NHS: variants seen among roughly 807,000 people sequenced by gnomAD.
The protein encoded by NHS is actin remodeling regulator NHS.
A neutral mutation model predicts 72.5 loss-of-function variants in NHS; 5 were observed. That is an observed-to-expected ratio of 0.07 (90% CI 0.04 to 0.14). NHS has a LOEUF of 0.14. Ranked by LOEUF, NHS falls within the 10% of genes least tolerant of loss-of-function variation. The pLI is 1.00. For missense variants in NHS, 1,072 were observed against 1,355.7 expected (o/e 0.79, Z 3.29); for synonymous variants, 464 against 547.7 (o/e 0.85, Z 2.13).
At chrX:17,606,020 A>AGT (rs983702486) in intron 1 of NHS, among the ~76,000 whole-genome samples, 3 of 112,092 alleles carry the variant, frequency 2.7e-5, no homozygotes, top group Non-Finnish European at 3.8e-5. Context: ...GGCTTCCCTG[A>AGT]GTGTCAAACT....
At chrX:17,553,404 G>A (rs189128971) in intron 1 of NHS, among the ~76,000 whole-genome samples, 9 of 112,613 alleles carry the variant, frequency 8.0e-5, no homozygotes, top group African/African-American at 2.9e-4. Context: ...GCATGAATGG[G>A]TTTTGGATTA....
intron 1 of NHS, among the ~76,000 whole-genome samples, chrX:17,542,589 A>G (rs1300221502): frequency 8.9e-6 from 1 of 112,495 alleles, no homozygotes; most frequent in Non-Finnish European, 1.9e-5. Context: ...TTGCTGGGTC[A>G]GCTTCAGAAG....
rs2065455684 is a variant in NHS, at chrX:17,568,268, C to A, written c.566-119474C>A. On this transcript the variant is annotated intron_variant, in intron 1 of 8. Transcript: ENST00000676302. The stretch of plus-strand genomic sequence containing the variant: ...CAGGTGAGCTGTCCCATGTAGAAGG[C>A]AGCCCCAGAGAGGGCCTTCCCCTCC... 2.7e-5 allele frequency among the ~76,000 whole-genome samples: 3 copies of A among 111,990 alleles called. No homozygotes were observed. In the South Asian group the frequency reaches 1.1e-3, roughly 41 times the overall value.
Position 17,726,035 on chromosome X carries a change from G to A in NHS, c.1929G>A (p.Ser643=), listed in dbSNP as rs143564715. The A allele has an allele frequency of 7.1e-5, 86 of 1,209,470 alleles. No homozygotes were observed. Among genetic ancestry groups the A allele is most frequent in the Middle Eastern group, 2.3e-4 (1 of 4,371 alleles). The stretch of plus-strand genomic sequence containing the variant: ...GTGGGAGCAGCTCCACGTGCCCCTC[G>A]CAGACCTCAGAAACCATCCCTCCTG... ...NWSGSSSTCP[S]QTSETIPPAA... is the part of the protein sequence containing the mutation. The change falls in exon 7 of 9, where the codon TCG becomes TCA. Residue 643 remains serine, a synonymous_variant. Transcript: ENST00000676302.
chrX:17,696,869 G>A (rs1460971583), intron 3 of NHS, among the ~76,000 whole-genome samples: 1 of 111,309 alleles, frequency 9.0e-6, no homozygotes, highest in Non-Finnish European at 1.9e-5. Flanking sequence ...ACATCAAATT[G>A]ACTGTTAAGT....
At chrX:17,692,549 C>T in intron 3 of NHS, 81 bp downstream of exon 3, 1 of 1,145,622 alleles carries the variant, frequency 8.7e-7, no homozygotes, top group Non-Finnish European at 1.2e-6. Flanking sequence ...TCCTGCCTCC[C>T]AGTGAGAGAG....
At chrX:17,665,261 A>C (rs1171771122) in intron 1 of NHS, among the ~76,000 whole-genome samples, 1 of 107,707 alleles carries the variant, frequency 9.3e-6, no homozygotes, top group Non-Finnish European at 1.9e-5. Context: ...TGTTTTTTAA[A>C]ATTCTTCCCA....
chrX:17,568,647 G>A (rs867610814), intron 1 of NHS, among the ~76,000 whole-genome samples: 2 of 92,140 alleles, frequency 2.2e-5, no homozygotes, highest in Non-Finnish European at 4.3e-5. Context: ...AGGTTACTTA[G>A]TTATTATTAT....
chrX:17,558,253 T>C (rs1027983299), intron 1 of NHS, among the ~76,000 whole-genome samples: 1 of 112,377 alleles, frequency 8.9e-6, no homozygotes, highest in Non-Finnish European at 1.9e-5. Context: ...CAGCCACATT[T>C]CTGGCTGCTA....
chrX:17,375,996 A>G lies in NHS; in HGVS notation c.239A>G (p.Gln80Arg). Residue 80 changes from glutamine to arginine, a missense_variant, in exon 1 of 9, where the codon CAG becomes CGG. Coordinates refer to ENST00000676302, the MANE Select transcript of NHS (RefSeq NM_001291867.2). ...PPPPLPAPAD[Q>R]TQPPHGEASV... ...CCGCCACTGCCCGCGCCGGCCGACCAGACTCAGCCGCCGCACGGAGAGGCG... is the reference window on the plus strand; with the variant it reads ...CCGCCACTGCCCGCGCCGGCCGACCGGACTCAGCCGCCGCACGGAGAGGCG... The G allele has an allele frequency of 1.9e-6, 2 of 1,079,493 alleles. No individual in the cohort carries two copies. Among genetic ancestry groups the G allele is most frequent in the Non-Finnish European group, 2.4e-6 (2 of 834,399 alleles). The allele number at this position is 1,079,493 out of a possible 1,213,427, so 89.0% of individuals were successfully genotyped here.
At chrX:17,453,000 CA>C (rs1285543388) in intron 1 of NHS, among the ~76,000 whole-genome samples, 2 of 112,020 alleles carry the variant, frequency 1.8e-5, no homozygotes, top group African/African-American at 3.2e-5. Flanking sequence ...TTAATTGTAC[CA>C]GGGGCGGTCC....
intron 1 of NHS, among the ~76,000 whole-genome samples, chrX:17,430,259 T>TTCTCTTTC (rs1165667840): frequency 1.2e-4 from 6 of 51,570 alleles, no homozygotes; most frequent in Non-Finnish European, 1.7e-4. Context: ...CCCTCTTTCT[T>TTCTCTTTC]TTTCTTTCTT....
intron 1 of NHS, among the ~76,000 whole-genome samples, chrX:17,661,337 G>A (rs2147093056): frequency 9.0e-6 from 1 of 110,831 alleles, no homozygotes; most frequent in South Asian, 4.1e-4. Flanking sequence ...CATGTGCCAT[G>A]GTGGTTTGCT....
At chrX:17,526,748 T>C (rs2065175462) in intron 1 of NHS, among the ~76,000 whole-genome samples, 2 of 112,001 alleles carry the variant, frequency 1.8e-5, no homozygotes, top group African/African-American at 6.5e-5. Flanking sequence ...GAGATACAGA[T>C]CATTTATAAT....
chrX:17,704,149 G>A (rs1281700881), intron 3 of NHS, among the ~76,000 whole-genome samples: 1 of 111,123 alleles, frequency 9.0e-6, no homozygotes. Flanking sequence ...GCAGTGGCAC[G>A]TGCCTGCAGT....
intron 1 of NHS, among the ~76,000 whole-genome samples, chrX:17,493,052 G>A (rs2064998504): frequency 1.8e-5 from 2 of 111,657 alleles, no homozygotes; most frequent in Admixed American, 1.9e-4. Context: ...TGTGGAAAAT[G>A]TCAAATATAT....
At position 17,535,705 on chromosome X, in the gene NHS, A is replaced by G. The variant is rs185881009; in HGVS notation, c.566-152037A>G. Among the ~76,000 whole-genome samples, 44 of 111,199 alleles carry G rather than the reference A, an allele frequency of 4.0e-4. No homozygotes were observed. The East Asian group carries it at 0.011, about 29-fold the overall frequency. ...ACAATCATTTTGCCTCAGCCCCCCA[A>G]GTAGCTGGGACCACGGGTGCCCACC... is the stretch of plus-strand genomic sequence containing the variant. On this transcript the variant is annotated intron_variant, in intron 1 of 8. Transcript: ENST00000676302.
intron 1 of NHS, among the ~76,000 whole-genome samples, chrX:17,648,739 A>G (rs1366396260): frequency 8.9e-6 from 1 of 112,030 alleles, no homozygotes; most frequent in Non-Finnish European, 1.9e-5. Flanking sequence ...AAGGTTTTGA[A>G]CAGCTGCCCA....
chrX:17,501,714 C>T (rs868635422), intron 1 of NHS, among the ~76,000 whole-genome samples: 32 of 112,432 alleles, frequency 2.8e-4, no homozygotes, highest in African/African-American at 8.7e-4. Flanking sequence ...GGCAACAGAG[C>T]GAGACCCTGT....
Sources: gnomAD v4.1 joint callset for allele counts (sites outside exome capture counted in the v4.1 genomes callset) on GRCh38, gnomAD v4.1.1 for gene constraint, MANE v1.5 for transcripts, NCBI Gene and HGNC (gene_info 2026-07-23, HGNC 2026-07-21) for gene names.